The following TENM3 variants were observed in gnomAD, a reference collection of about 807,000 sequenced individuals.
TENM3 encodes teneurin-3.
A neutral mutation model predicts 255.1 loss-of-function variants in TENM3; 63 were observed. That is an observed-to-expected ratio of 0.25 (90% CI 0.20 to 0.30). The LOEUF (loss-of-function observed/expected upper bound fraction) is 0.30. Among genes scored for constraint, TENM3 ranks in the 10% least tolerant of loss-of-function variants. The pLI, the probability that TENM3 is intolerant of heterozygous loss-of-function variation, is 1.00. For missense variants in TENM3, 2,929 were observed against 3,461.1 expected, an observed-to-expected ratio of 0.85 and a Z score of 3.86; for synonymous variants, 1,306 against 1,322.3, an observed-to-expected ratio of 0.99 and a Z score of 0.27.
At chr4:181,745,749 A>G in the TENM3 span, among the ~76,000 whole-genome samples, 1 of 152,172 alleles carries the variant, frequency 6.6e-6, no homozygotes, top group Non-Finnish European at 1.5e-5. Flanking sequence ...CTCTGAGGAT[A>G]CAGAAAAATG....
chr4:181,877,994 A>T, the TENM3 span, among the ~76,000 whole-genome samples: 1 of 152,156 alleles, frequency 6.6e-6, no homozygotes, highest in Non-Finnish European at 1.5e-5. Flanking sequence ...AAGGTTCCTG[A>T]TGCACATTGC....
chr4:182,727,864 C>CTTT (rs35226237), intron 13 of TENM3, among the ~76,000 whole-genome samples: 3 of 140,764 alleles, frequency 2.1e-5, no homozygotes, highest in African/African-American at 2.6e-5. Flanking sequence ...CTTAGAAGAA[C>CTTT]TTTTTTTTTT....
chr4:181,467,097 G>GTATATATATATATATA, the TENM3 span, among the ~76,000 whole-genome samples: 1 of 73,142 alleles, frequency 1.4e-5, no homozygotes, highest in African/African-American at 7.5e-5. Flanking sequence ...GTGTGTGTGT[G>GTATATATATATATATA]TGTGTGTATA....
intron 12 of TENM3, among the ~76,000 whole-genome samples, chr4:182,706,564 T>G (rs1758296078): frequency 6.6e-6 from 1 of 152,150 alleles, no homozygotes. Flanking sequence ...CTTATAGAAT[T>G]TCTTCAAAAG....
At chr4:182,779,889 C>T (rs1329965630) in intron 24 of TENM3, among the ~76,000 whole-genome samples, 9 of 152,080 alleles carry the variant, frequency 5.9e-5, no homozygotes, top group Admixed American at 5.9e-4. Context: ...GTCCTTCGCC[C>T]ACTTTTTGAT....
chr4:182,752,374 C>T (rs1762436281), intron 20 of TENM3, among the ~76,000 whole-genome samples: 2 of 152,090 alleles, frequency 1.3e-5, no homozygotes, highest in Admixed American at 1.3e-4. Context: ...TTTCATAGTC[C>T]TGGAATTTCT....
At chr4:182,508,859 C>G (rs1737093843) in intron 3 of TENM3, among the ~76,000 whole-genome samples, 1 of 152,206 alleles carries the variant, frequency 6.6e-6, no homozygotes, top group African/African-American at 2.4e-5. Flanking sequence ...TGGACAGAAA[C>G]AGTTGATAAA....
the TENM3 span, among the ~76,000 whole-genome samples, chr4:182,001,219 T>G: frequency 6.6e-6 from 1 of 152,002 alleles, no homozygotes; most frequent in African/African-American, 2.4e-5. Flanking sequence ...TTCTCTAGCT[T>G]AATGGGTCTT....
the TENM3 span, among the ~76,000 whole-genome samples, chr4:181,464,153 C>A: frequency 6.6e-6 from 1 of 152,134 alleles, no homozygotes; most frequent in Admixed American, 6.5e-5. Flanking sequence ...TTTCATATAT[C>A]TTAGATATAT....
chr4:182,572,954 T>C (rs1453743965), intron 3 of TENM3, among the ~76,000 whole-genome samples: 4 of 152,298 alleles, frequency 2.6e-5, no homozygotes, highest in African/African-American at 7.2e-5. Flanking sequence ...ATAGTTCATC[T>C]AGGTTCTAGG....
intron 1 of TENM3, among the ~76,000 whole-genome samples, chr4:182,308,353 G>C (rs1211289772): frequency 6.6e-6 from 1 of 151,810 alleles, no homozygotes; most frequent in Non-Finnish European, 1.5e-5. Flanking sequence ...GTCTCACTCT[G>C]TCACCCAGGC....
At chr4:181,560,860 C>T in the TENM3 span, among the ~76,000 whole-genome samples, 31 of 152,318 alleles carry the variant, frequency 2.0e-4, no homozygotes, top group Middle Eastern at 3.4e-3. Flanking sequence ...GCAAATCAAA[C>T]AGGAGGGCAT....
At chr4:181,464,945 T>G in the TENM3 span, among the ~76,000 whole-genome samples, 12 of 152,036 alleles carry the variant, frequency 7.9e-5, no homozygotes, top group Non-Finnish European at 1.5e-4. Flanking sequence ...AAGAGTGAAA[T>G]CACATCTCAA....
intron 3 of TENM3, among the ~76,000 whole-genome samples, chr4:182,572,497 A>C (rs567605567): frequency 6.6e-6 from 1 of 152,366 alleles, no homozygotes; most frequent in East Asian, 1.9e-4. Context: ...TTTAATTAAT[A>C]GTACATTAAG....
chr4:181,991,884 A>G, the TENM3 span, among the ~76,000 whole-genome samples: 7 of 152,096 alleles, frequency 4.6e-5, no homozygotes, highest in Admixed American at 3.3e-4. Context: ...TAACTTTTGT[A>G]GACTACTAAA....
the TENM3 span, among the ~76,000 whole-genome samples, chr4:182,121,126 G>A: frequency 2.6e-5 from 4 of 152,146 alleles, no homozygotes; most frequent in South Asian, 8.3e-4. Flanking sequence ...AGCCTCCCGA[G>A]TAGCTGGGAT....
In TENM3 at chr4:182,792,666, CCT is replaced by C. The variant is rs892557847; in HGVS notation, c.5995_5996del (p.Leu1999AspfsTer2). ...CTIRYRQIGP[L>X]IDRQIFRFSE... ...CCATTAGATACAGGCAAATTGGTCCCCTGATTGACAGGCAGATTTTCCGCTTT... is the reference window on the plus strand; with the variant it reads ...CCATTAGATACAGGCAAATTGGTCCCGATTGACAGGCAGATTTTCCGCTTT... On this transcript the variant is annotated frameshift_variant, in exon 26 of 28. Transcript: ENST00000511685. LOFTEE classifies it high-confidence loss of function. The surrounding 1 kb of genome is among the most constrained non-coding windows in gnomAD (Gnocchi z 6.3). The C allele has an allele frequency of 1.9e-6, 3 of 1,613,874 alleles. No individual in the cohort carries two copies. Among genetic ancestry groups the C allele is most frequent in the Non-Finnish European group, 2.5e-6 (3 of 1,179,878 alleles).
At chr4:181,555,873 C>T in the TENM3 span, among the ~76,000 whole-genome samples, 1 of 152,192 alleles carries the variant, frequency 6.6e-6, no homozygotes, top group Non-Finnish European at 1.5e-5. Context: ...GGTGACCACA[C>T]TTAAATGCAA....
chr4:182,067,567 G>C, the TENM3 span, among the ~76,000 whole-genome samples: 2 of 152,126 alleles, frequency 1.3e-5, no homozygotes, highest in East Asian at 1.9e-4. Context: ...TCTTCCTGTC[G>C]ATTTTAAATC....
Sources: allele counts gnomAD v4.1 joint callset (sites outside exome capture counted in the v4.1 genomes callset), GRCh38; gene constraint gnomAD v4.1.1; non-coding constraint Gnocchi (gnomAD v3.1); transcripts MANE v1.5; gene names NCBI Gene and HGNC (gene_info 2026-07-23, HGNC 2026-07-21).